Variants in GNG13 observed in about 807,000 individuals in gnomAD.
The protein encoded by GNG13 is G protein subunit gamma 13, also known as guanine nucleotide-binding protein G(I)/G(S)/G(O) subunit gamma-13.
Under a neutral mutation model 8.2 loss-of-function variants are expected in GNG13, and 12 were observed. The observed-to-expected ratio is 1.47, with a 90% CI of 0.94 to 2.38. The LOEUF (loss-of-function observed/expected upper bound fraction) is 2.38, where lower values mean the gene tolerates loss of function less well. GNG13 is among the 30% of genes most tolerant of loss of function. The pLI is 0.00. For synonymous variants in GNG13, 45 were observed against 33.0 expected, an observed-to-expected ratio of 1.37 and a Z score of -1.25; for missense variants, 100 against 85.2, an observed-to-expected ratio of 1.17 and a Z score of -0.68.
Position 798,986 on chromosome 16 carries a change from A to G in GNG13, c.92T>C (p.Ile31Thr), listed in dbSNP as rs745565183. Residue 31 changes from isoleucine to threonine, a missense_variant, in exon 2 of 3, where the codon ATC becomes ACC. Coordinates refer to ENST00000248150, the MANE Select transcript of GNG13 (RefSeq NM_016541.3). ...AGGCAGGTGGGGCACTCACTCGGGG[A>G]TGGTCTTGGACGCCATCTCCCGCTG... Reference protein sequence around the residue: ...AFQREMASKTIPELLKWIEDG... With the variant: ...AFQREMASKTTPELLKWIEDG... 5.7e-6 allele frequency: 9 copies of G among 1,586,716 alleles called. No individual in the cohort carries two copies. The African/African-American group carries it at 9.4e-5, about 17-fold the overall frequency.
intron 1 of GNG13, among the ~76,000 whole-genome samples, chr16:799,735 C>G (rs1442556277): frequency 6.6e-6 from 1 of 152,108 alleles, no homozygotes; most frequent in Non-Finnish European, 1.5e-5. Flanking sequence ...TACCTGCGTG[C>G]TTTCTGCTTG....
At chr16:799,250 G>T in intron 1 of GNG13, 139 bp from the exon 2 acceptor site, 1 of 606,844 alleles carries the variant, frequency 1.6e-6, no homozygotes, top group South Asian at 1.9e-5. Context: ...CAGTCCCCTA[G>T]GCGTTGCTAG....
At position 798,916 on chromosome 16, in the gene GNG13, T is replaced by C. The variant is rs2042423167; in HGVS notation, c.98+64A>G. The C allele has an allele frequency of 2.9e-6, 4 of 1,362,086 alleles. No individual in the cohort carries two copies. In the Admixed American group the frequency reaches 6.7e-5, roughly 23 times the overall value. The allele number at this position is 1,362,086 out of a possible 1,614,324, so 84.4% of individuals were successfully genotyped here. On this transcript the variant is annotated intron_variant, in intron 2 of 2. Coordinates refer to ENST00000248150, the MANE Select transcript of GNG13 (RefSeq NM_016541.3). The stretch of plus-strand genomic sequence containing the variant: ...CTGTCGGCGGCGGTGGTCGTGGCTA[T>C]GGAAATGAGCAGCCAGCGCAGGGCA...
chr16:799,041 C>T lies in GNG13; in HGVS notation c.37G>A (p.Val13Met), dbSNP rs756814450. Residue 13 changes from valine to methionine, a missense_variant, in exon 2 of 3, where the codon GTG (valine) becomes ATG (methionine). Val to Met is a conservative substitution (Grantham distance 21). Transcript: ENST00000248150. ...EWDVPQMKKEVESLKYQLAFQ... is the reference protein window; with the variant it reads ...EWDVPQMKKEMESLKYQLAFQ... ...GCCAGCTGGTACTTGAGGCTCTCCACCTCTTTCTTCATCTGTGGCACGTCC... is the reference window on the plus strand; with the variant it reads ...GCCAGCTGGTACTTGAGGCTCTCCATCTCTTTCTTCATCTGTGGCACGTCC... The T allele has an allele frequency of 1.4e-5, 23 of 1,611,288 alleles. No homozygotes were observed. Among genetic ancestry groups the T allele is most frequent in the Admixed American group, 1.0e-4 (6 of 60,012 alleles).
chr16:798,328 G>C lies in GNG13; in HGVS notation c.*391C>G. The C allele has an allele frequency of 2.0e-6, 1 of 501,330 alleles. No individual in the cohort carries two copies. Among genetic ancestry groups the C allele is most frequent in the Non-Finnish European group, 3.7e-6 (1 of 272,548 alleles). 31.1% of individuals were successfully genotyped at this position (501,330 alleles called of 1,614,324 possible). A position where few individuals can be genotyped will look rare whatever the true frequency, so the allele number is the denominator to read the frequency against. ...TCACAGGTTGGTGTGAGTGGGGCTGGGAGTGGGGCTCACAGGATGGAGTGA... is the reference window on the plus strand; with the variant it reads ...TCACAGGTTGGTGTGAGTGGGGCTGCGAGTGGGGCTCACAGGATGGAGTGA... On this transcript the variant is annotated 3_prime_UTR_variant, in exon 3 of 3. Coordinates refer to ENST00000248150, the MANE Select transcript of GNG13 (RefSeq NM_016541.3).
In GNG13 at chr16:799,112, C is replaced by A; in HGVS notation, c.-34-1G>T. Reference sequence around the variant, plus strand: ...GGCTTCTGAAGCAGCCAGCCTGGGGCTGGAGGGCACAGGAGGAAGCCACAG... The same window carrying A: ...GGCTTCTGAAGCAGCCAGCCTGGGGATGGAGGGCACAGGAGGAAGCCACAG... On this transcript the variant is annotated splice_acceptor_variant, in intron 1 of 2. Transcript: ENST00000248150. LOFTEE classifies it low-confidence loss of function (5UTR_SPLICE). The A allele has an allele frequency of 7.7e-7, 1 of 1,300,686 alleles. No individual in the cohort carries two copies. The highest frequency in any genetic ancestry group is 1.1e-6 in the Non-Finnish European group (1 of 898,704). 80.6% of individuals were successfully genotyped at this position (1,300,686 alleles called of 1,614,324 possible).
chr16:799,894 C>T (rs735325), intron 1 of GNG13, among the ~76,000 whole-genome samples: 34,221 of 151,182 alleles, frequency 0.23, 3,952 homozygotes, highest in South Asian at 0.36. Flanking sequence ...GCCCCCGTCC[C>T]CAAGGTTGGG....
Position 798,762 on chromosome 16 carries a change from T to C in GNG13, c.161A>G (p.Lys54Arg). 1 of 1,613,260 alleles carries C rather than the reference T, an allele frequency of 6.2e-7. No homozygotes were observed. Among genetic ancestry groups the C allele is most frequent in the Non-Finnish European group, 8.5e-7 (1 of 1,179,524 alleles). Residue 54 changes from lysine to arginine, a missense_variant, in exon 3 of 3, where the codon AAG (lysine) becomes AGG (arginine). Physicochemically the swap from Lys to Arg is conservative, Grantham distance 26. Coordinates refer to ENST00000248150, the MANE Select transcript of GNG13 (RefSeq NM_016541.3). ...KDPFLNPDLM[K>R]NNPWVEKGKC... ...GCCCTTTTCCACCCATGGGTTGTTC[T>C]TCATCAGGTCGGGGTTCAGGAAGGG...
chr16:798,600 G>A lies in GNG13; in HGVS notation c.*119C>T. 1.3e-6 allele frequency: 1 copy of A among 777,516 alleles called. No homozygotes were observed. The highest frequency in any genetic ancestry group is 2.3e-6 in the Non-Finnish European group (1 of 431,604). 48.2% of individuals were successfully genotyped at this position (777,516 alleles called of 1,614,324 possible). A position where few individuals can be genotyped will look rare whatever the true frequency, so the allele number is the denominator to read the frequency against. On this transcript the variant is annotated 3_prime_UTR_variant, in exon 3 of 3. Transcript: ENST00000248150. ...ATGGGCTCACAGGATGGTGGGAGTG[G>A]GGCTGGGAGTGGGACTCACAGGATG...
At position 798,775 on chromosome 16, in the gene GNG13, G is replaced by T. The variant is rs1197149179; in HGVS notation, c.148C>A (p.Pro50Thr). Reference protein sequence around the residue: ...DGIPKDPFLNPDLMKNNPWVE... With the variant: ...DGIPKDPFLNTDLMKNNPWVE... ...CATGGGTTGTTCTTCATCAGGTCGG[G>T]GTTCAGGAAGGGGTCCTTGGGGATC... is the stretch of plus-strand genomic sequence containing the variant. Residue 50 changes from proline (P) to threonine (T), a missense_variant, in exon 3 of 3, where the codon CCC becomes ACC. Transcript: ENST00000248150. 2 of 1,613,358 alleles carry T rather than the reference G, an allele frequency of 1.2e-6. No homozygotes were observed. Among genetic ancestry groups the T allele is most frequent in the South Asian group, 1.1e-5 (1 of 91,070 alleles).
Position 798,120 on chromosome 16 carries a change from CGGGCGTG to C in GNG13, c.*592_*598del, listed in dbSNP as rs2042408299. 1.8e-6 allele frequency: 2 copies of C among 1,094,540 alleles called. No homozygotes were observed. The highest frequency in any genetic ancestry group is 1.6e-5 in the African/African-American group (1 of 61,008). 67.8% of individuals were successfully genotyped at this position (1,094,540 alleles called of 1,614,324 possible). A position where few individuals can be genotyped will look rare whatever the true frequency, so the allele number is the denominator to read the frequency against. ...GTTCACAGGATGGTGGGAGTGGGGC[CGGGCGTG>C]GGCTCATAGGATGGTGTGAGTGGGG... On this transcript the variant is annotated 3_prime_UTR_variant, in exon 3 of 3. Transcript: ENST00000248150.
chr16:798,946 A>G (rs2042423511), intron 2 of GNG13, 34 bp downstream of exon 2: 2 of 1,429,672 alleles, frequency 1.4e-6, no homozygotes, highest in Non-Finnish European at 2.0e-6. Flanking sequence ...AGGGCAGACA[A>G]ATGAGAGGCA....
chr16:800,344 C>T (rs1219858901), intron 1 of GNG13, among the ~76,000 whole-genome samples: 1 of 152,198 alleles, frequency 6.6e-6, no homozygotes, highest in Non-Finnish European at 1.5e-5. Flanking sequence ...CGCCCACAGC[C>T]CAGTCCTTGC....
At chr16:799,201 G>C in intron 1 of GNG13, 90 bp from the exon 2 acceptor site, 1 of 668,760 alleles carries the variant, frequency 1.5e-6, no homozygotes, top group East Asian at 2.7e-5. Context: ...GCTGAACCCC[G>C]CAGGATGAAG....
chr16:799,216 G>C, intron 1 of GNG13, 105 bp from the exon 2 acceptor site: 1 of 652,114 alleles, frequency 1.5e-6, no homozygotes, highest in Non-Finnish European at 2.8e-6. Flanking sequence ...ATGAAGCGGG[G>C]AGAGTCCACA....
rs199759705 is a variant in GNG13, at chr16:800,072, CG to C, written c.-35+593del. On this transcript the variant is annotated intron_variant, in intron 1 of 2. Transcript: ENST00000248150. The stretch of plus-strand genomic sequence containing the variant: ...CCAGGGCCTGAGGCTGGTGGGGTCC[CG>C]GTGGTGAATTGGGCAGACTCCCAGC... 6.6e-3 allele frequency among the ~76,000 whole-genome samples: 997 copies of C among 152,052 alleles called. 11 individuals carry two copies. The highest frequency in any genetic ancestry group is 0.023 in the African/African-American group (954 of 41,468).
intron 1 of GNG13, among the ~76,000 whole-genome samples, 174 bp downstream of exon 1, chr16:800,492 C>T (rs1035605473): frequency 9.9e-5 from 15 of 152,220 alleles, no homozygotes; most frequent in African/African-American, 1.9e-4. Flanking sequence ...TCCCCCGCAC[C>T]GCGAGAGCCG....
chr16:798,125 G>A lies in GNG13; in HGVS notation c.*594C>T, dbSNP rs530222478. On this transcript the variant is annotated 3_prime_UTR_variant, in exon 3 of 3. Transcript: ENST00000248150. Reference sequence around the variant, plus strand: ...CAGGATGGTGGGAGTGGGGCCGGGCGTGGGCTCATAGGATGGTGTGAGTGG... The same window carrying A: ...CAGGATGGTGGGAGTGGGGCCGGGCATGGGCTCATAGGATGGTGTGAGTGG... 192 of 1,087,200 alleles carry A rather than the reference G, an allele frequency of 1.8e-4. No homozygotes were observed. The highest frequency in any genetic ancestry group is 2.2e-4 in the Non-Finnish European group (169 of 758,506). The allele number at this position is 1,087,200 out of a possible 1,614,324, so 67.3% of individuals were successfully genotyped here.
In GNG13 at chr16:800,688, G is replaced by A. The variant is rs1400005407; in HGVS notation, c.-57C>T. On this transcript the variant is annotated 5_prime_UTR_variant, in exon 1 of 3. Coordinates refer to ENST00000248150, the MANE Select transcript of GNG13 (RefSeq NM_016541.3). ...TACCTTGAAAAGGTGACAGCGGAGGGACAATGACAACGGCCAGGCGACCGC... is the reference window on the plus strand; with the variant it reads ...TACCTTGAAAAGGTGACAGCGGAGGAACAATGACAACGGCCAGGCGACCGC... 3 of 152,272 alleles carry A rather than the reference G, an allele frequency of 2.0e-5. No homozygotes were observed. The highest frequency in any genetic ancestry group is 7.2e-5 in the African/African-American group (3 of 41,454). 9.4% of individuals were successfully genotyped at this position (152,272 alleles called of 1,614,324 possible).
Sources: gnomAD v4.1 joint callset for allele counts (sites outside exome capture counted in the v4.1 genomes callset) on GRCh38, gnomAD v4.1.1 for gene constraint, MANE v1.5 for transcripts, NCBI Gene and HGNC (gene_info 2026-07-23, HGNC 2026-07-21) for gene names.